DGCR2: variants seen among roughly 807,000 people sequenced by gnomAD.
DGCR2 encodes DiGeorge syndrome critical region gene 2.
DGCR2 carries 24 observed loss-of-function variants against 51.6 expected under a neutral mutation model. The observed-to-expected ratio is 0.47, with a 90% CI of 0.34 to 0.65. The LOEUF (loss-of-function observed/expected upper bound fraction) is 0.65, where lower values mean the gene tolerates loss of function less well. Ranked by LOEUF, DGCR2 falls within the 30% of genes least tolerant of loss-of-function variation. DGCR2 has a pLI of 0.01. For synonymous variants in DGCR2, 340 were observed against 315.4 expected (o/e 1.08, Z -0.82); for missense variants, 765 against 772.1 (o/e 0.99, Z 0.11).
chr22:19,039,940 A>G (rs976621711), intron 9 of DGCR2, among the ~76,000 whole-genome samples: 2 of 152,148 alleles, frequency 1.3e-5, no homozygotes, highest in Non-Finnish European at 2.9e-5. Context: ...CCTGGGCAAC[A>G]TAGTGAGACC....
At chr22:19,043,374 G>C (rs117496675) in intron 7 of DGCR2, among the ~76,000 whole-genome samples, 2,002 of 152,302 alleles carry the variant, frequency 0.013, 37 homozygotes, top group South Asian at 0.058. Context: ...ACAGGGGCTC[G>C]ATATGAGCTG....
At chr22:19,115,520 C>G (rs887730796) in intron 1 of DGCR2, among the ~76,000 whole-genome samples, 2 of 152,252 alleles carry the variant, frequency 1.3e-5, no homozygotes, top group African/African-American at 2.4e-5. Flanking sequence ...GGCTCTCATC[C>G]TCCTCGCCAC....
chr22:19,040,948 C>T (rs898357274), intron 9 of DGCR2, 110 bp downstream of exon 9: 20 of 1,002,382 alleles, frequency 2.0e-5, no homozygotes, highest in Admixed American at 5.5e-5. Flanking sequence ...AAGACAAAGC[C>T]GGAAAGAAGT....
At chr22:19,094,065 G>A (rs180723135) in intron 1 of DGCR2, among the ~76,000 whole-genome samples, 1 of 152,302 alleles carries the variant, frequency 6.6e-6, no homozygotes, top group Non-Finnish European at 1.5e-5. Context: ...AACCAAGGAA[G>A]ATATATACAG....
At chr22:19,117,377 G>A (rs2083384593) in intron 1 of DGCR2, among the ~76,000 whole-genome samples, 1 of 152,244 alleles carries the variant, frequency 6.6e-6, no homozygotes, top group African/African-American at 2.4e-5. Flanking sequence ...AGTGATGCCA[G>A]CTTGCCTCCA....
At chr22:19,103,025 T>C (rs897001858) in intron 1 of DGCR2, among the ~76,000 whole-genome samples, 1 of 152,052 alleles carries the variant, frequency 6.6e-6, no homozygotes, top group Non-Finnish European at 1.5e-5. Flanking sequence ...AAAGATAATA[T>C]GGTAAATTTT....
intron 1 of DGCR2, among the ~76,000 whole-genome samples, chr22:19,099,131 C>T (rs1217900447): frequency 6.6e-6 from 1 of 152,190 alleles, no homozygotes; most frequent in Non-Finnish European, 1.5e-5. Context: ...AACACTGGCA[C>T]CTACTCTGTG....
At chr22:19,042,734 C>G (rs2082447020) in intron 7 of DGCR2, among the ~76,000 whole-genome samples, 1 of 152,186 alleles carries the variant, frequency 6.6e-6, no homozygotes, top group Non-Finnish European at 1.5e-5. Context: ...ATAAGGTACA[C>G]TTGGGACTCG....
chr22:19,113,206 C>T (rs1489142223), intron 1 of DGCR2, among the ~76,000 whole-genome samples: 1 of 151,994 alleles, frequency 6.6e-6, no homozygotes, highest in Non-Finnish European at 1.5e-5. Flanking sequence ...CCCATCTTTA[C>T]TAAAAATACA....
Position 19,057,181 on chromosome 22 carries a change from G to A in DGCR2, c.626-19C>T. ...GAAGAGCCTGTTGGGGAGACAAAAG[G>A]TGGGGCTGGACAACATCACATCAGA... On this transcript the variant is annotated intron_variant, in intron 5 of 9. Coordinates refer to ENST00000263196, the MANE Select transcript of DGCR2 (RefSeq NM_005137.3). This position sits in a 1 kb window ranked among gnomAD's most constrained non-coding sequence, Gnocchi z 5.1. 1 of 1,584,920 alleles carries A rather than the reference G, an allele frequency of 6.3e-7. No individual in the cohort carries two copies. The highest frequency in any genetic ancestry group is 8.6e-7 in the Non-Finnish European group (1 of 1,165,150).
chr22:19,038,585 G>A lies in DGCR2; in HGVS notation c.*280C>T. On this transcript the variant is annotated 3_prime_UTR_variant, in exon 10 of 10. Transcript: ENST00000263196. ...TCATTCCCTGCCTCTAACATGTGCG[G>A]TCTGAATGAATTTTGTCACTCTTCT... The A allele has an allele frequency of 2.0e-6, 1 of 509,188 alleles. No individual in the cohort carries two copies. 31.5% of individuals were successfully genotyped at this position (509,188 alleles called of 1,614,324 possible).
chr22:19,042,041 C>A, intron 7 of DGCR2, 82 bp from the exon 8 acceptor site: 1 of 1,502,544 alleles, frequency 6.7e-7, no homozygotes, highest in South Asian at 1.3e-5. Flanking sequence ...TCCTCCTGCC[C>A]AGGCGGGCTG....
At chr22:19,062,721 TTGGTATTTCCAAGCAG>T in intron 5 of DGCR2, among the ~76,000 whole-genome samples, 1 of 151,208 alleles carries the variant, frequency 6.6e-6, no homozygotes, top group Non-Finnish European at 1.5e-5. Context: ...TTACGTCGTC[TTGGTATTTCCAAGCAG>T]CTCCGCATAA....
intron 7 of DGCR2, 48 bp from the exon 8 acceptor site, chr22:19,042,007 C>A (rs778699470): frequency 6.3e-7 from 1 of 1,582,144 alleles, no homozygotes; most frequent in Non-Finnish European, 8.6e-7. Flanking sequence ...GGGCCACCCT[C>A]GTGCTACGCT....
Position 19,049,157 on chromosome 22 carries a change from C to T in DGCR2, c.803-514G>A, listed in dbSNP as rs575658161. 1.5e-3 allele frequency among the ~76,000 whole-genome samples: 234 copies of T among 152,330 alleles called. 1 individual carries two copies. The highest frequency in any genetic ancestry group is 2.8e-3 in the Non-Finnish European group (192 of 68,038). The stretch of plus-strand genomic sequence containing the variant: ...GCCTGGAAGTTGCTGAAGTAGATTA[C>T]TTATGAGATTTTCTCAATTCTAAGA... On this transcript the variant is annotated intron_variant, in intron 6 of 9. Coordinates refer to ENST00000263196, the MANE Select transcript of DGCR2 (RefSeq NM_005137.3).
chr22:19,068,329 G>T (rs371928582), intron 2 of DGCR2, 104 bp from the exon 3 acceptor site: 54 of 1,339,484 alleles, frequency 4.0e-5, no homozygotes, highest in Middle Eastern at 3.9e-4. Context: ...CGGAGGGGGG[G>T]CCTGTAGCAC....
chr22:19,049,382 G>A (rs186796212), intron 6 of DGCR2, among the ~76,000 whole-genome samples: 1 of 152,054 alleles, frequency 6.6e-6, no homozygotes, highest in African/African-American at 2.4e-5. Context: ...CTGGAGGAGA[G>A]ACAAGGAATG....
intron 6 of DGCR2, among the ~76,000 whole-genome samples, chr22:19,053,363 G>A (rs768388478): frequency 3.3e-5 from 5 of 152,194 alleles, no homozygotes; most frequent in Non-Finnish European, 4.4e-5. Flanking sequence ...CTCTAGAGAT[G>A]TAGCCCAAAG....
At chr22:19,050,476 C>A (rs2146315219) in intron 6 of DGCR2, among the ~76,000 whole-genome samples, 1 of 152,262 alleles carries the variant, frequency 6.6e-6, no homozygotes, top group South Asian at 2.1e-4. Context: ...GTTTTTCAGG[C>A]CAAAAGTATG....
Sources: allele counts gnomAD v4.1 joint callset (sites outside exome capture counted in the v4.1 genomes callset), GRCh38; gene constraint gnomAD v4.1.1; non-coding constraint Gnocchi (gnomAD v3.1); transcripts MANE v1.5; gene names NCBI Gene and HGNC (gene_info 2026-07-23, HGNC 2026-07-21).